COL11A2: variants seen among roughly 807,000 people sequenced by gnomAD.
COL11A2 encodes collagen type XI alpha 2 chain.
In COL11A2, 116 loss-of-function variants were observed where a neutral mutation model predicts 273.4. The observed-to-expected ratio is 0.42, with a 90% CI of 0.36 to 0.49. The LOEUF (loss-of-function observed/expected upper bound fraction) is 0.49. COL11A2 is among the 20% of genes least tolerant of loss of function. The pLI is 0.00. For synonymous variants in COL11A2, 782 were observed against 864.2 expected, an observed-to-expected ratio of 0.90 and a Z score of 1.67; for missense variants, 1,866 against 2,309.0, an observed-to-expected ratio of 0.81 and a Z score of 3.93.
At chr6:33,180,762 G>A (rs1226634403) in intron 10 of COL11A2, 32 bp from the exon 11 acceptor site, 2 of 1,606,864 alleles carry the variant, frequency 1.2e-6, no homozygotes, top group Admixed American at 1.7e-5. Context: ...GTCAGGTGTG[G>A]GCATTCAGAC....
chr6:33,175,620 G>C lies in COL11A2; in HGVS notation c.2330C>G (p.Thr777Ser). 1 of 1,613,008 alleles carries C rather than the reference G, an allele frequency of 6.2e-7. No homozygotes were observed. Among genetic ancestry groups the C allele is most frequent in the Non-Finnish European group, 8.5e-7 (1 of 1,180,018 alleles). ...GGGCCCAGGGTCTCCAGTCGGTCCA[G>C]TGCGTCCCTTTGGCCCCTCAGGACC... is the stretch of plus-strand genomic sequence containing the variant. ...EDGPEGPKGR[T>S]GPTGDPGPPG... The change falls in exon 30 of 66, where the codon ACT (threonine) becomes AGT (serine). Residue 777 changes from threonine to serine, a missense_variant. By Grantham distance (58) the Thr-to-Ser change is moderately conservative. Coordinates refer to ENST00000341947, the MANE Select transcript of COL11A2 (RefSeq NM_080680.3).
Position 33,189,615 on chromosome 6 carries a change from T to A in COL11A2, c.83-146A>T. 1 of 1,055,302 alleles carries A rather than the reference T, an allele frequency of 9.5e-7. No homozygotes were observed. The allele number at this position is 1,055,302 out of a possible 1,614,324, so 65.4% of individuals were successfully genotyped here. On this transcript the variant is annotated intron_variant, in intron 1 of 65. Transcript: ENST00000341947. This position sits in a 1 kb window ranked among gnomAD's most constrained non-coding sequence, Gnocchi z 5.6. ...CTCACCCTCACTTGCTTCTGAACAGTACCTGAATGGATGGGAAATGCAAAG... is the reference window on the plus strand; with the variant it reads ...CTCACCCTCACTTGCTTCTGAACAGAACCTGAATGGATGGGAAATGCAAAG...
chr6:33,168,435 A>C (rs904719532), intron 54 of COL11A2, 84 bp downstream of exon 54: 2 of 1,457,132 alleles, frequency 1.4e-6, no homozygotes, highest in Non-Finnish European at 1.9e-6. Flanking sequence ...GCACCTCCCC[A>C]CCCATCCCAC....
At position 33,179,611 on chromosome 6, in the gene COL11A2, CCT is replaced by C; in HGVS notation, c.1446+106_1446+107del. On this transcript the variant is annotated intron_variant, in intron 13 of 65. Transcript: ENST00000341947. The surrounding 1 kb of genome is among the most constrained non-coding windows in gnomAD (Gnocchi z 6.4). ...ACTGCCCAGGATTCTCCCCAACCTC[CCT>C]GTTAACCCCAAACCAACCCAGGCCT... The C allele has an allele frequency of 2.7e-6, 4 of 1,471,722 alleles. No individual in the cohort carries two copies. Among genetic ancestry groups the C allele is most frequent in the Non-Finnish European group, 2.8e-6 (3 of 1,072,594 alleles). 91.2% of individuals were successfully genotyped at this position (1,471,722 alleles called of 1,614,324 possible). A position where few individuals can be genotyped will look rare whatever the true frequency, so the allele number is the denominator to read the frequency against.
Position 33,176,562 on chromosome 6 carries a change from G to T in COL11A2, c.2116-76C>A. 1 of 1,459,470 alleles carries T rather than the reference G, an allele frequency of 6.9e-7. No homozygotes were observed. Among genetic ancestry groups the T allele is most frequent in the Non-Finnish European group, 9.6e-7 (1 of 1,043,936 alleles). 90.4% of individuals were successfully genotyped at this position (1,459,470 alleles called of 1,614,324 possible). ...GGGGGCCTCCAGGGGTGGAAGAAAT[G>T]GAAGTAACAACATTGCTGTCTGGGT... is the stretch of plus-strand genomic sequence containing the variant. On this transcript the variant is annotated intron_variant, in intron 26 of 65. Transcript: ENST00000341947. The surrounding 1 kb of genome is among the most constrained non-coding windows in gnomAD (Gnocchi z 4.9).
In COL11A2 at chr6:33,169,561, A is replaced by T; in HGVS notation, c.3691-71T>A. ...ATCAGGGATGCAGCCTCTGCTTCCG[A>T]GACACCTTCAGCCATCCCCTACTCC... is the stretch of plus-strand genomic sequence containing the variant. On this transcript the variant is annotated intron_variant, in intron 50 of 65. Transcript: ENST00000341947. This position sits in a 1 kb window ranked among gnomAD's most constrained non-coding sequence, Gnocchi z 5.5. 1 of 1,442,660 alleles carries T rather than the reference A, an allele frequency of 6.9e-7. No individual in the cohort carries two copies. Among genetic ancestry groups the T allele is most frequent in the Non-Finnish European group, 9.7e-7 (1 of 1,032,536 alleles). The allele number at this position is 1,442,660 out of a possible 1,614,324, so 89.4% of individuals were successfully genotyped here. A position where few individuals can be genotyped will look rare whatever the true frequency, so the allele number is the denominator to read the frequency against.
Position 33,170,830 on chromosome 6 carries a change from G to A in COL11A2, c.3454C>T (p.Pro1152Ser). 1 of 1,612,944 alleles carries A rather than the reference G, an allele frequency of 6.2e-7. No individual in the cohort carries two copies. Among genetic ancestry groups the A allele is most frequent in the Non-Finnish European group, 8.5e-7 (1 of 1,179,960 alleles). The change falls in exon 46 of 66, where the codon CCA becomes TCA. Residue 1152 changes from proline (P) to serine (S), a missense_variant. By Grantham distance (74) the Pro-to-Ser change is moderately conservative. Transcript: ENST00000341947. This position sits in a 1 kb window ranked among gnomAD's most constrained non-coding sequence, Gnocchi z 4.3. ...CACACCTGTAGGCCAATGGGTCCTG[G>A]GGGCCCATTGAATCCTCTTGTTCCT... The part of the protein sequence containing the change: ...DEGTRGFNGP[P>S]GPIGLQGLPG...
chr6:33,167,202 G>A lies in COL11A2; in HGVS notation c.4176+62C>T. The A allele has an allele frequency of 6.2e-7, 1 of 1,613,578 alleles. No homozygotes were observed. Among genetic ancestry groups the A allele is most frequent in the Non-Finnish European group, 8.5e-7 (1 of 1,179,522 alleles). On this transcript the variant is annotated intron_variant, in intron 57 of 65. Coordinates refer to ENST00000341947, the MANE Select transcript of COL11A2 (RefSeq NM_080680.3). This position sits in a 1 kb window ranked among gnomAD's most constrained non-coding sequence, Gnocchi z 6.1. ...CCCAACAGCCTCCACTTCCTCCAGG[G>A]CTTCAGCTCTGTCCCAGGGCACTGC...
chr6:33,167,910 T>C lies in COL11A2; in HGVS notation c.3961-58A>G. 1.3e-6 allele frequency: 2 copies of C among 1,585,494 alleles called. No individual in the cohort carries two copies. The highest frequency in any genetic ancestry group is 1.7e-6 in the Non-Finnish European group (2 of 1,158,454). ...GGCCGTGGGCAGCCAGGCTCAACTC[T>C]TCCCCCTTCCTGTCCTAGACACACA... On this transcript the variant is annotated intron_variant, in intron 54 of 65. Transcript: ENST00000341947. This position sits in a 1 kb window ranked among gnomAD's most constrained non-coding sequence, Gnocchi z 6.1.
intron 3 of COL11A2, 37 bp downstream of exon 3, chr6:33,188,941 T>C (rs753336716): frequency 6.2e-7 from 1 of 1,610,562 alleles, no homozygotes; most frequent in Non-Finnish European, 8.5e-7. Context: ...CTCCTGAAAG[T>C]GTGGGCCAGG....
chr6:33,178,375 A>AGCT lies in COL11A2; in HGVS notation c.1774-26_1774-24dup. 1 of 1,612,848 alleles carries AGCT rather than the reference A, an allele frequency of 6.2e-7. No individual in the cohort carries two copies. The highest frequency in any genetic ancestry group is 8.5e-7 in the Non-Finnish European group (1 of 1,179,944). On this transcript the variant is annotated intron_variant, in intron 19 of 65. Coordinates refer to ENST00000341947, the MANE Select transcript of COL11A2 (RefSeq NM_080680.3). This position sits in a 1 kb window ranked among gnomAD's most constrained non-coding sequence, Gnocchi z 4.6. ...TCCCTGGAGGAGGAGGACACGGTAAAGCTGCTGTGCCTTCTAGACCTCCCC... is the reference window on the plus strand; with the variant it reads ...TCCCTGGAGGAGGAGGACACGGTAAAGCTGCTGCTGTGCCTTCTAGACCTCCCC...
rs746887808 is a variant in COL11A2, at chr6:33,173,563, CAG to C, written c.2629-10_2629-9del. 12 of 1,559,816 alleles carry C rather than the reference CAG, an allele frequency of 7.7e-6. No individual in the cohort carries two copies. The highest frequency in any genetic ancestry group is 1.5e-5 in the African/African-American group (1 of 65,168). Reference sequence around the variant, plus strand: ...CTGAGGTCCAGGGAGGCCCTAGAGACAGAGGTGGGGGGAGTCAGGAGAATGGG... The same window carrying C: ...CTGAGGTCCAGGGAGGCCCTAGAGACAGGTGGGGGGAGTCAGGAGAATGGG... On this transcript the variant is annotated splice_polypyrimidine_tract_variant and intron_variant, in intron 35 of 65. Transcript: ENST00000341947. This position sits in a 1 kb window ranked among gnomAD's most constrained non-coding sequence, Gnocchi z 6.3.
chr6:33,168,401 C>CTG (rs1769503561), intron 54 of COL11A2, 118 bp downstream of exon 54: 4 of 1,140,546 alleles, frequency 3.5e-6, no homozygotes, highest in Non-Finnish European at 5.3e-6. Flanking sequence ...CACACACACA[C>CTG]ACCCAGGGCA....
intron 29 of COL11A2, 73 bp from the exon 30 acceptor site, chr6:33,175,754 A>G: frequency 7.0e-7 from 1 of 1,430,798 alleles, no homozygotes; most frequent in South Asian, 1.1e-5. Flanking sequence ...GAAATGGGCA[A>G]CAGTGAGGCT....
chr6:33,178,056 G>T lies in COL11A2; in HGVS notation c.1872+76C>A. 7.0e-7 allele frequency: 1 copy of T among 1,438,480 alleles called. No homozygotes were observed. Among genetic ancestry groups the T allele is most frequent in the Non-Finnish European group, 9.6e-7 (1 of 1,038,986 alleles). The allele number at this position is 1,438,480 out of a possible 1,614,324, so 89.1% of individuals were successfully genotyped here. A position where few individuals can be genotyped will look rare whatever the true frequency, so the allele number is the denominator to read the frequency against. On this transcript the variant is annotated intron_variant, in intron 21 of 65. Transcript: ENST00000341947. The surrounding 1 kb of genome is among the most constrained non-coding windows in gnomAD (Gnocchi z 4.6). Reference sequence around the variant, plus strand: ...GCATGCCGAGAGAGGAGAGGGAGCAGGAAGGCAGCTAGAAAGGTGGAGAGT... The same window carrying T: ...GCATGCCGAGAGAGGAGAGGGAGCATGAAGGCAGCTAGAAAGGTGGAGAGT...
In COL11A2 at chr6:33,167,550, GA is replaced by G. The variant is rs781600736; in HGVS notation, c.4015-18del. ...AGGATCTCCCTGAAACACACACAAG[GA>G]ATGTGTCCTGAATGGCAGAGGAGTG... On this transcript the variant is annotated intron_variant, in intron 55 of 65. Transcript: ENST00000341947. This position sits in a 1 kb window ranked among gnomAD's most constrained non-coding sequence, Gnocchi z 6.1. The G allele has an allele frequency of 6.2e-6, 10 of 1,611,616 alleles. No homozygotes were observed. The highest frequency in any genetic ancestry group is 7.6e-6 in the Non-Finnish European group (9 of 1,179,120).
chr6:33,181,043 C>A, intron 9 of COL11A2, 38 bp from the exon 10 acceptor site: 1 of 1,614,184 alleles, frequency 6.2e-7, no homozygotes, highest in Non-Finnish European at 8.5e-7. Flanking sequence ...GGCGACAGGA[C>A]CAGCACACTC....
Position 33,163,639 on chromosome 6 carries a change from G to A in COL11A2, c.*39C>T. On this transcript the variant is annotated 3_prime_UTR_variant, in exon 66 of 66. Coordinates refer to ENST00000341947, the MANE Select transcript of COL11A2 (RefSeq NM_080680.3). The surrounding 1 kb of genome is among the most constrained non-coding windows in gnomAD (Gnocchi z 4.1). ...AGCTGATGTTGTGGGATTCCAGGTGGGCCTGGTTCCGAATGGACAGGATCA... is the reference window on the plus strand; with the variant it reads ...AGCTGATGTTGTGGGATTCCAGGTGAGCCTGGTTCCGAATGGACAGGATCA... 3.7e-6 allele frequency: 6 copies of A among 1,612,984 alleles called. No homozygotes were observed. Among genetic ancestry groups the A allele is most frequent in the Non-Finnish European group, 5.1e-6 (6 of 1,179,952 alleles).
rs182684593 is a variant in COL11A2, at chr6:33,180,309, G to T, written c.1308C>A (p.Leu436=). 3 of 1,612,924 alleles carry T rather than the reference G, an allele frequency of 1.9e-6. No individual in the cohort carries two copies. In the African/African-American group the frequency reaches 4.0e-5, roughly 21 times the overall value. Residue 436 remains leucine, a synonymous_variant, in exon 12 of 66, where the codon CTC becomes CTA. Transcript: ENST00000341947. ...GERGPPGRAG[L]PGSDGAPGPP... is the part of the protein sequence containing the mutation. ...GACCAGGAGCCCCATCTGATCCAGGGAGCCCTGCTCGGCCAGGGGGGCCCT... is the reference window on the plus strand; with the variant it reads ...GACCAGGAGCCCCATCTGATCCAGGTAGCCCTGCTCGGCCAGGGGGGCCCT...
Sources: gnomAD v4.1 joint callset for allele counts on GRCh38, gnomAD v4.1.1 for gene constraint, Gnocchi (gnomAD v3.1) non-coding constraint, MANE v1.5 for transcripts, NCBI Gene and HGNC (gene_info 2026-07-23, HGNC 2026-07-21) for gene names.